Variants in ERAP1 observed in about 807,000 individuals in gnomAD.
ERAP1 encodes adipocyte-derived leucine aminopeptidase.
ERAP1 carries 86 observed loss-of-function variants against 103.7 expected under a neutral mutation model. The ratio of observed to expected loss-of-function variants is 0.83; its 90% CI spans 0.70 to 0.99. The LOEUF (loss-of-function observed/expected upper bound fraction) is 0.99. ERAP1 is among the 50% of genes least tolerant of loss of function. The pLI is 0.00. For synonymous variants in ERAP1, 398 were observed against 402.4 expected (o/e 0.99, Z 0.13); for missense variants, 1,009 against 1,128.4 (o/e 0.89, Z 1.52).
intron 14 of ERAP1, 99 bp from the exon 15 acceptor site, chr5:96,783,334 A>G (rs929966236): frequency 1.8e-6 from 2 of 1,129,804 alleles, no homozygotes; most frequent in Middle Eastern, 2.9e-4. Context: ...GCTAATTTTT[A>G]AAGCATAATC....
chr5:96,915,731 A>C, the ERAP1 span: 1 of 1,600,092 alleles, frequency 6.2e-7, no homozygotes, highest in South Asian at 1.1e-5. Flanking sequence ...CATCTCTGGC[A>C]CAACAGCTCA....
At chr5:96,838,053 TG>T in the ERAP1 span, among the ~76,000 whole-genome samples, 3 of 130,390 alleles carry the variant, frequency 2.3e-5, no homozygotes, top group African/African-American at 8.8e-5. Flanking sequence ...GGCACAGGGA[TG>T]GGGGGTGGGG....
the ERAP1 span, chr5:96,873,155 C>T: frequency 8.5e-6 from 3 of 352,252 alleles, no homozygotes; most frequent in South Asian, 6.5e-5. Flanking sequence ...TGCCACCGCA[C>T]TCCAGCCTGG....
chr5:96,933,484 AGGTT>A, the ERAP1 span, among the ~76,000 whole-genome samples: 13 of 152,292 alleles, frequency 8.5e-5, no homozygotes, highest in East Asian at 2.3e-3. Flanking sequence ...GGGAGGCAAG[AGGTT>A]GGCAAAGAAA....
intron 19 of ERAP1, among the ~76,000 whole-genome samples, chr5:96,767,280 G>A (rs1223093333): frequency 1.3e-5 from 2 of 152,168 alleles, no homozygotes; most frequent in African/African-American, 4.8e-5. Context: ...AAGCAAAGCT[G>A]GTAAAGAAAT....
intron 19 of ERAP1, chr5:96,767,446 A>C: frequency 1.9e-6 from 3 of 1,612,454 alleles, no homozygotes; most frequent in Non-Finnish European, 2.5e-6. Flanking sequence ...AGGACAAACC[A>C]GTGAAGCCAC....
At chr5:96,827,322 A>G in the ERAP1 span, among the ~76,000 whole-genome samples, 1 of 152,218 alleles carries the variant, frequency 6.6e-6, no homozygotes, top group Non-Finnish European at 1.5e-5. Context: ...AAGACAAGTT[A>G]TTAAGAAGTT....
At chr5:96,886,654 G>C in the ERAP1 span, 6 of 1,512,738 alleles carry the variant, frequency 4.0e-6, no homozygotes, top group South Asian at 2.6e-5. Context: ...CCTTTCTGTA[G>C]GTTAAGACAA....
chr5:96,917,477 G>T, the ERAP1 span: 16 of 1,577,248 alleles, frequency 1.0e-5, no homozygotes, highest in Admixed American at 1.8e-4. Flanking sequence ...ACTATTTTTT[G>T]AATCTCTTGA....
chr5:96,780,363 TATTA>T (rs1561665118), intron 18 of ERAP1, 56 bp downstream of exon 18: 1 of 1,247,794 alleles, frequency 8.0e-7, no homozygotes, highest in Non-Finnish European at 1.1e-6. Flanking sequence ...GTCTACCCCA[TATTA>T]ATTAGCTAAT....
the ERAP1 span, chr5:96,903,567 C>A: frequency 1.3e-6 from 2 of 1,585,368 alleles, no homozygotes; most frequent in South Asian, 1.2e-5. Flanking sequence ...TTGGGTAAGG[C>A]AACATTTCCT....
At chr5:96,765,399 T>C in intron 19 of ERAP1, 1 of 733,576 alleles carries the variant, frequency 1.4e-6, no homozygotes. Flanking sequence ...ACTCTGTCAT[T>C]GTCATAGGAA....
chr5:96,850,560 A>C, the ERAP1 span, among the ~76,000 whole-genome samples: 1 of 152,172 alleles, frequency 6.6e-6, no homozygotes, highest in African/African-American at 2.4e-5. Context: ...CACCTGTTAG[A>C]ATGGCTATAA....
the ERAP1 span, among the ~76,000 whole-genome samples, chr5:96,861,897 T>A: frequency 3.9e-5 from 6 of 152,210 alleles, no homozygotes; most frequent in Non-Finnish European, 8.8e-5. Flanking sequence ...CCTATTACTT[T>A]TTAATGATCA....
At chr5:96,846,777 A>T in the ERAP1 span, among the ~76,000 whole-genome samples, 1 of 151,920 alleles carries the variant, frequency 6.6e-6, no homozygotes, top group African/African-American at 2.4e-5. Context: ...TAAACTCAGA[A>T]ATGGAGAAGC....
At chr5:96,896,487 G>A in the ERAP1 span, 8 of 1,613,374 alleles carry the variant, frequency 5.0e-6, no homozygotes, top group Non-Finnish European at 6.8e-6. Context: ...AATGTTTGAT[G>A]AAGTTTCCTA....
rs1452739962 is a variant in ERAP1, at chr5:96,781,803, T to C, written c.2337A>G (p.Thr779=). Residue 779 remains threonine (T), a synonymous_variant, in exon 16 of 19, where the codon ACA becomes ACG. Coordinates refer to ENST00000443439, the MANE Select transcript of ERAP1 (RefSeq NM_001040458.3). ...LAVFAVGAQS[T]EGWDFLYSKY... is the part of the protein sequence containing the mutation. ...TACTATAAAGAAAATCCCAGCCTTC[T>C]GTGCTCTGGGCCCCCACAGCAAACA... 3.1e-6 allele frequency: 5 copies of C among 1,614,004 alleles called. No individual in the cohort carries two copies. The highest frequency in any genetic ancestry group is 1.3e-5 in the African/African-American group (1 of 74,908).
At chr5:96,778,642 A>T (rs149481) in intron 18 of ERAP1, among the ~76,000 whole-genome samples, 2 of 151,966 alleles carry the variant, frequency 1.3e-5, no homozygotes, top group African/African-American at 2.4e-5. Context: ...CAAGAACAAT[A>T]GGCAGGGTTT....
intron 17 of ERAP1, 80 bp from the exon 18 acceptor site, chr5:96,780,584 T>TA (rs1244873419): frequency 9.2e-7 from 1 of 1,085,974 alleles, no homozygotes; most frequent in African/African-American, 1.6e-5. Flanking sequence ...CTATATATAA[T>TA]AGCTTTCAGC....
Sources: gnomAD v4.1 joint callset for allele counts (sites outside exome capture counted in the v4.1 genomes callset) on GRCh38, gnomAD v4.1.1 for gene constraint, MANE v1.5 for transcripts, NCBI Gene and HGNC (gene_info 2026-07-23, HGNC 2026-07-21) for gene names.